MYO16: variants seen among roughly 807,000 people sequenced by gnomAD.
The protein encoded by MYO16 is myosin XVI.
A neutral mutation model predicts 205.3 loss-of-function variants in MYO16; 94 were observed. The observed-to-expected ratio is 0.46, with a 90% CI of 0.39 to 0.54. The LOEUF (loss-of-function observed/expected upper bound fraction) is 0.54. Among genes scored for constraint, MYO16 ranks in the 20% least tolerant of loss-of-function variants. The pLI is 0.00. For missense variants in MYO16, 2,315 were observed against 2,387.5 expected (o/e 0.97, Z 0.63); for synonymous variants, 988 against 954.0 (o/e 1.04, Z -0.66).
At chr13:108,525,920 C>T in the MYO16 span, among the ~76,000 whole-genome samples, 4 of 148,102 alleles carry the variant, frequency 2.7e-5, no homozygotes, top group African/African-American at 9.9e-5. Context: ...ACAGATGCTG[C>T]TCTTCATCTT....
intron 16 of MYO16, among the ~76,000 whole-genome samples, chr13:108,934,050 T>C (rs1455604760): frequency 6.6e-6 from 1 of 152,184 alleles, no homozygotes; most frequent in Non-Finnish European, 1.5e-5. Flanking sequence ...AGAATAATGC[T>C]GCAAAGAACA....
At chr13:108,924,803 G>A (rs1246548596) in intron 16 of MYO16, among the ~76,000 whole-genome samples, 1 of 117,088 alleles carries the variant, frequency 8.5e-6, no homozygotes, top group Non-Finnish European at 1.7e-5. Context: ...TCAGGCTAGA[G>A]GGTTTTGTTC....
At chr13:108,920,391 C>T (rs1566412080) in intron 16 of MYO16, among the ~76,000 whole-genome samples, 1 of 146,428 alleles carries the variant, frequency 6.8e-6, no homozygotes, top group African/African-American at 2.5e-5. Flanking sequence ...TCTCTCTCTC[C>T]TTCCTTCCTT....
At chr13:109,160,662 G>C (rs550525) in intron 32 of MYO16, among the ~76,000 whole-genome samples, 123,648 of 152,184 alleles carry the variant, frequency 0.81, 50,391 homozygotes, top group Middle Eastern at 0.9. Context: ...CACTTCCTTA[G>C]TTGTTTAACT....
intron 5 of MYO16, among the ~76,000 whole-genome samples, chr13:108,788,847 G>A (rs761903340): frequency 1.1e-4 from 17 of 152,076 alleles, no homozygotes; most frequent in Admixed American, 2.0e-4. Flanking sequence ...TCTCTCTCCT[G>A]CCATCTTCCC....
At position 108,785,679 on chromosome 13, in the gene MYO16, A is replaced by G. The variant is rs1886436023; in HGVS notation, c.552A>G (p.Pro184=). 6.2e-7 allele frequency: 1 copy of G among 1,613,498 alleles called. No individual in the cohort carries two copies. The highest frequency in any genetic ancestry group is 8.5e-7 in the Non-Finnish European group (1 of 1,179,824). ...TCCAGGATGTGAATGGAAATATCCC[A>G]TTAGATTATGCTGTAGAAGGGACAG... is the stretch of plus-strand genomic sequence containing the variant. ...VLLQDVNGNI[P]LDYAVEGTES... Residue 184 remains proline, a synonymous_variant, in exon 5 of 35, where the codon CCA becomes CCG. Coordinates refer to ENST00000457511, the MANE Select transcript of MYO16 (RefSeq NM_001198950.3).
chr13:108,889,992 T>TA (rs1880086429), intron 14 of MYO16, among the ~76,000 whole-genome samples: 1 of 152,124 alleles, frequency 6.6e-6, no homozygotes, highest in Admixed American at 6.5e-5. Context: ...AGTACAGTGA[T>TA]ACGATCACCA....
the MYO16 span, among the ~76,000 whole-genome samples, chr13:108,543,763 C>A: frequency 8.0e-6 from 1 of 125,094 alleles, no homozygotes; most frequent in Non-Finnish European, 1.6e-5. Flanking sequence ...TTTTTAATCA[C>A]ACACTTAAAG....
chr13:108,624,318 AT>A (rs968501612), intron 1 of MYO16, among the ~76,000 whole-genome samples: 55 of 151,880 alleles, frequency 3.6e-4, no homozygotes, highest in Non-Finnish European at 5.3e-4. Flanking sequence ...TCATCAATAA[AT>A]TTTTTTTTAT....
chr13:108,939,339 C>T (rs1311345098), intron 16 of MYO16, among the ~76,000 whole-genome samples: 2 of 152,126 alleles, frequency 1.3e-5, no homozygotes, highest in Non-Finnish European at 2.9e-5. Flanking sequence ...CTGGGGTCCC[C>T]GGGGGAAAGG....
upstream of MYO16, among the ~76,000 whole-genome samples, chr13:108,627,259 G>T (rs1879778653): frequency 6.6e-6 from 1 of 151,988 alleles, no homozygotes; most frequent in African/African-American, 2.4e-5. Context: ...TGGTTTCAAA[G>T]ACAAAAAGAT....
intron 12 of MYO16, among the ~76,000 whole-genome samples, chr13:108,871,914 T>C (rs1301058599): frequency 1.3e-5 from 2 of 152,236 alleles, no homozygotes; most frequent in African/African-American, 4.8e-5. Context: ...TTGTATTTTA[T>C]CCAGTCTTTG....
At chr13:108,933,015 C>T (rs1178803872) in intron 16 of MYO16, among the ~76,000 whole-genome samples, 6 of 151,934 alleles carry the variant, frequency 3.9e-5, no homozygotes, top group East Asian at 1.9e-4. Flanking sequence ...GATGTGCCTG[C>T]GAACGACAGA....
intron 16 of MYO16, among the ~76,000 whole-genome samples, chr13:108,957,306 C>T (rs1207703077): frequency 7.0e-6 from 1 of 143,044 alleles, no homozygotes; most frequent in Non-Finnish European, 1.5e-5. Flanking sequence ...AACGCTTGAA[C>T]CTGGGAGGTG....
intron 32 of MYO16, among the ~76,000 whole-genome samples, chr13:109,152,023 G>C (rs540230916): frequency 6.6e-6 from 1 of 152,302 alleles, no homozygotes; most frequent in African/African-American, 2.4e-5. Flanking sequence ...GGCCTCCATC[G>C]TACTTCTGCC....
At chr13:108,745,367 C>T (rs9301314) in intron 4 of MYO16, among the ~76,000 whole-genome samples, 67,861 of 151,950 alleles carry the variant, frequency 0.45, 15,318 homozygotes, top group East Asian at 0.55. Context: ...TAGAGGTTCT[C>T]GCAAGGAACT....
chr13:108,783,966 A>G (rs564573073), intron 4 of MYO16, among the ~76,000 whole-genome samples: 2 of 152,290 alleles, frequency 1.3e-5, no homozygotes, highest in East Asian at 3.9e-4. Flanking sequence ...GCAGGCAACC[A>G]TATGTTCTAC....
At chr13:108,887,960 C>T (rs528406521) in intron 13 of MYO16, among the ~76,000 whole-genome samples, 4 of 152,106 alleles carry the variant, frequency 2.6e-5, no homozygotes, top group African/African-American at 9.6e-5. Flanking sequence ...GTCTCGGGAT[C>T]GCCTCACTTT....
intron 31 of MYO16, among the ~76,000 whole-genome samples, chr13:109,135,252 G>A (rs1876719927): frequency 6.6e-6 from 1 of 152,222 alleles, no homozygotes. Flanking sequence ...GTGAACAAGA[G>A]CTGGATGCAT....
Sources: allele counts gnomAD v4.1 joint callset (sites outside exome capture counted in the v4.1 genomes callset), GRCh38; gene constraint gnomAD v4.1.1; transcripts MANE v1.5; gene names NCBI Gene and HGNC (gene_info 2026-07-23, HGNC 2026-07-21).